Variants in GTF2A1 observed in about 807,000 individuals in gnomAD.
GTF2A1 encodes general transcription factor IIA subunit 1.
In GTF2A1, 12 loss-of-function variants were observed where a neutral mutation model predicts 54.1. The observed-to-expected ratio is 0.22, with a 90% confidence interval of 0.14 to 0.36. The LOEUF (loss-of-function observed/expected upper bound fraction) is 0.36, where lower values mean the gene tolerates loss of function less well. Ranked by LOEUF, GTF2A1 falls within the 10% of genes least tolerant of loss-of-function variation. GTF2A1 has a pLI of 1.00. For synonymous variants in GTF2A1, 145 were observed against 152.0 expected, an observed-to-expected ratio of 0.95 and a Z score of 0.34; for missense variants, 335 against 442.2, an observed-to-expected ratio of 0.76 and a Z score of 2.17.
chr14:81,211,875 T>TTATATATATATA lies in GTF2A1; in HGVS notation c.132+4526_132+4537dup, dbSNP rs757044041. 2.9e-3 allele frequency among the ~76,000 whole-genome samples: 201 copies of TTATATATATATA among 68,420 alleles called. 5 individuals are homozygous for TTATATATATATA. The highest frequency in any genetic ancestry group is 9.3e-3 in the Middle Eastern group (1 of 108). The allele number at this position is 68,420 out of a possible 152,430, so 44.9% of individuals were successfully genotyped here. ...ACATAATTAGAGTGTATCAAGTACT[T>TTATATATATATA]TATATATATATATATATATATATAT... On this transcript the variant is annotated intron_variant, in intron 2 of 8. Transcript: ENST00000553612.
intron 4 of GTF2A1, among the ~76,000 whole-genome samples, chr14:81,201,162 C>CAA (rs1164406601): frequency 6.6e-6 from 1 of 152,092 alleles, no homozygotes; most frequent in Non-Finnish European, 1.5e-5. Flanking sequence ...ATGGTTAAGT[C>CAA]AGAGTAATAT....
chr14:81,215,937 T>A (rs941871423), intron 2 of GTF2A1, among the ~76,000 whole-genome samples: 1 of 152,096 alleles, frequency 6.6e-6, no homozygotes, highest in African/African-American at 2.4e-5. Context: ...GGAGGATGGT[T>A]TGAGTCTGGG....
In GTF2A1 at chr14:81,201,789, C is replaced by T; in HGVS notation, c.338-131G>A. ...TTTTCTGCACTCAAATGCTTTCAATCATTTCATCTCAGGACATTATAAATG... is the reference window on the plus strand; with the variant it reads ...TTTTCTGCACTCAAATGCTTTCAATTATTTCATCTCAGGACATTATAAATG... On this transcript the variant is annotated intron_variant, in intron 3 of 8. Coordinates refer to ENST00000553612, the MANE Select transcript of GTF2A1 (RefSeq NM_015859.4). 6.1e-6 allele frequency: 4 copies of T among 654,660 alleles called. No individual in the cohort carries two copies. The South Asian group carries it at 7.2e-5, about 12-fold the overall frequency. The allele number at this position is 654,660 out of a possible 1,614,324, so 40.6% of individuals were successfully genotyped here. A position where few individuals can be genotyped will look rare whatever the true frequency, so the allele number is the denominator to read the frequency against.
At chr14:81,186,426 G>C (rs1892747428) in intron 7 of GTF2A1, among the ~76,000 whole-genome samples, 1 of 151,928 alleles carries the variant, frequency 6.6e-6, no homozygotes, top group South Asian at 2.1e-4. Context: ...TTATGGTAGA[G>C]GTATGAAGCA....
chr14:81,212,459 A>C (rs528344167), intron 2 of GTF2A1, among the ~76,000 whole-genome samples: 5 of 152,338 alleles, frequency 3.3e-5, no homozygotes, highest in South Asian at 2.1e-4. Flanking sequence ...GCAGTGTTTC[A>C]AAAGATAACC....
chr14:81,181,850 A>G (rs947813542), intron 8 of GTF2A1, among the ~76,000 whole-genome samples: 4 of 152,110 alleles, frequency 2.6e-5, no homozygotes, highest in Non-Finnish European at 5.9e-5. Context: ...CCAGGTACAG[A>G]TATTTTCTGA....
intron 3 of GTF2A1, chr14:81,202,745 T>C (rs372197631): frequency 1.3e-5 from 7 of 518,760 alleles, no homozygotes; most frequent in African/African-American, 9.6e-5. Flanking sequence ...ATTATCCTAA[T>C]ATTCTCTGAG....
intron 1 of GTF2A1, among the ~76,000 whole-genome samples, chr14:81,219,138 G>A (rs3815953): frequency 0.39 from 59,975 of 151,886 alleles, 14,029 homozygotes; most frequent in Middle Eastern, 0.55. Flanking sequence ...TTTGAAAATT[G>A]TAAACAAAAA....
intron 6 of GTF2A1, 28 bp downstream of exon 6, chr14:81,196,080 T>C (rs1892986657): frequency 1.2e-6 from 2 of 1,604,002 alleles, no homozygotes; most frequent in African/African-American, 1.3e-5. Flanking sequence ...CAGAACCCCA[T>C]ACTGATCATA....
intron 2 of GTF2A1, among the ~76,000 whole-genome samples, chr14:81,215,433 C>G (rs756713779): frequency 3.3e-5 from 5 of 152,116 alleles, no homozygotes; most frequent in Non-Finnish European, 7.3e-5. Context: ...CTGAAAGAAC[C>G]CTTGGGGAGA....
intron 2 of GTF2A1, 144 bp from the exon 3 acceptor site, chr14:81,204,248 C>T (rs1377048318): frequency 1.3e-6 from 1 of 779,772 alleles, no homozygotes; most frequent in African/African-American, 1.7e-5. Flanking sequence ...TAATTCTAAC[C>T]CAAGTGAAAC....
At chr14:81,195,135 C>CA (rs749038152) in intron 6 of GTF2A1, among the ~76,000 whole-genome samples, 7,544 of 60,864 alleles carry the variant, frequency 0.12, 844 homozygotes, top group African/African-American at 0.32. Context: ...GACTCTGTCT[C>CA]AAAAAAAAAA....
intron 8 of GTF2A1, among the ~76,000 whole-genome samples, chr14:81,185,098 C>G (rs915283372): frequency 2.6e-5 from 4 of 151,694 alleles, no homozygotes; most frequent in Non-Finnish European, 5.9e-5. Context: ...TTGTTTTTAG[C>G]ACTGTTCATT....
At chr14:81,215,171 A>G (rs1893459782) in intron 2 of GTF2A1, among the ~76,000 whole-genome samples, 3 of 152,234 alleles carry the variant, frequency 2.0e-5, no homozygotes, top group Admixed American at 2.0e-4. Flanking sequence ...TCATTACGGA[A>G]TATCAAACAA....
At chr14:81,200,589 T>C (rs1893083297) in intron 4 of GTF2A1, among the ~76,000 whole-genome samples, 2 of 146,866 alleles carry the variant, frequency 1.4e-5, no homozygotes, top group Non-Finnish European at 3.0e-5. Flanking sequence ...ATCACACCAC[T>C]GCACTCCAGC....
chr14:81,191,633 T>C (rs747877308), intron 7 of GTF2A1, among the ~76,000 whole-genome samples: 35 of 152,182 alleles, frequency 2.3e-4, no homozygotes, highest in Non-Finnish European at 4.4e-4. Context: ...TATGGTAAAA[T>C]ATAAAAGCAA....
Position 81,175,943 on chromosome 14 carries a change from T to C in GTF2A1, c.*4280A>G, listed in dbSNP as rs12590473. ...GAAAATACAACTTTTTAAAAGCTAG[T>C]ATTAATCATTTGTAACACAGTTTAC... On this transcript the variant is annotated 3_prime_UTR_variant, in exon 9 of 9. Transcript: ENST00000553612. The C allele has an allele frequency of 4.3e-4, 65 of 152,334 alleles. No homozygotes were observed. In the East Asian group the frequency reaches 7.7e-3, roughly 18 times the overall value. 9.4% of individuals were successfully genotyped at this position (152,334 alleles called of 1,614,324 possible). A position where few individuals can be genotyped will look rare whatever the true frequency, so the allele number is the denominator to read the frequency against.
chr14:81,192,765 T>C lies in GTF2A1; in HGVS notation c.687A>G (p.Thr229=). Residue 229 remains threonine, a synonymous_variant, in exon 7 of 9, where the codon ACA becomes ACG. Transcript: ENST00000553612. The part of the protein sequence containing the change: ...VIIQPQQILF[T]GNKTQVIPTT... ...TAGGTATAACTTGAGTCTTATTTCC[T>C]GTAAATAAGATTTGCTGAGGCTGGA... 6.2e-7 allele frequency: 1 copy of C among 1,611,590 alleles called. No individual in the cohort carries two copies. Among genetic ancestry groups the C allele is most frequent in the Non-Finnish European group, 8.5e-7 (1 of 1,177,592 alleles).
Position 81,216,427 on chromosome 14 carries a change from T to C in GTF2A1, c.118A>G (p.Met40Val). Residue 40 changes from methionine (M) to valine (V), a missense_variant, in exon 2 of 9, where the codon ATG (methionine) becomes GTG (valine). By Grantham distance (21) the Met-to-Val change is conservative. Around this residue, in one of 2 missense-constraint regions of GTF2A1, gnomAD observed 306 missense variants for 360.4 expected, o/e 0.85. Coordinates refer to ENST00000553612, the MANE Select transcript of GTF2A1 (RefSeq NM_015859.4). ...LDDGVDEQVL[M>V]ELKTLWENKL... ...GACAAACTCACAGTTTTTAGTTCCA[T>C]CAGTACTTGTTCATCCACTCCATCA... 2 of 1,399,404 alleles carry C rather than the reference T, an allele frequency of 1.4e-6. No homozygotes were observed. Among genetic ancestry groups the C allele is most frequent in the Non-Finnish European group, 2.0e-6 (2 of 986,130 alleles). The allele number at this position is 1,399,404 out of a possible 1,614,324, so 86.7% of individuals were successfully genotyped here.
Sources: gnomAD v4.1 joint callset for allele counts (sites outside exome capture counted in the v4.1 genomes callset) on GRCh38, gnomAD v4.1.1 for gene constraint, gnomAD v4.1.1 regional missense constraint, MANE v1.5 for transcripts, NCBI Gene and HGNC (gene_info 2026-07-23, HGNC 2026-07-21) for gene names.